Variants in CTNND2 observed in about 807,000 individuals in gnomAD.
The protein encoded by CTNND2 is catenin delta-2.
CTNND2 carries 22 observed loss-of-function variants against 144.4 expected under a neutral mutation model. That is an observed-to-expected ratio of 0.15 (90% CI 0.11 to 0.22). The LOEUF is 0.22. Ranked by LOEUF, CTNND2 falls within the 10% of genes least tolerant of loss-of-function variation. CTNND2 has a pLI of 1.00. For missense variants in CTNND2, 1,353 were observed against 1,618.8 expected (o/e 0.84, Z 2.82); for synonymous variants, 751 against 695.6 (o/e 1.08, Z -1.25).
chr5:11,732,730 T>C (rs1324211839), intron 1 of CTNND2, among the ~76,000 whole-genome samples: 2 of 152,106 alleles, frequency 1.3e-5, no homozygotes, highest in Non-Finnish European at 2.9e-5. Flanking sequence ...ACCCCCGTTA[T>C]AGTCTTGTGA....
At chr5:11,397,285 A>T (rs1301785694) in intron 5 of CTNND2, 82 bp from the exon 6 acceptor site, 1 of 1,189,744 alleles carries the variant, frequency 8.4e-7, no homozygotes, top group Non-Finnish European at 1.2e-6. Flanking sequence ...AGAGTAGCCT[A>T]GAATTATCTC....
intron 2 of CTNND2, among the ~76,000 whole-genome samples, chr5:11,708,977 T>C (rs936420483): frequency 2.6e-5 from 4 of 152,166 alleles, no homozygotes; most frequent in African/African-American, 9.7e-5. Context: ...GCACAAATTG[T>C]CACATGCATC....
chr5:11,578,480 G>A (rs972495924), intron 2 of CTNND2, among the ~76,000 whole-genome samples: 2 of 151,912 alleles, frequency 1.3e-5, no homozygotes, highest in African/African-American at 4.8e-5. Context: ...GGTCAGCATG[G>A]TGAAACCCCG....
chr5:11,723,528 CT>C (rs1402613085), intron 2 of CTNND2, among the ~76,000 whole-genome samples: 2 of 152,182 alleles, frequency 1.3e-5, no homozygotes, highest in Non-Finnish European at 2.9e-5. Context: ...AATGAGACCC[CT>C]GCACCATAAA....
At chr5:11,461,624 G>A (rs375731299) in intron 3 of CTNND2, among the ~76,000 whole-genome samples, 528 of 152,282 alleles carry the variant, frequency 3.5e-3, no homozygotes, top group African/African-American at 0.012. Context: ...TCTTGAGCAT[G>A]TTGTAGCTCG....
rs560558388 is a variant in CTNND2 at position 11,636,623 on chromosome 5, G to GA, written c.175-71568dup. ...TACAATTGGCAAGTTAACTCTGACT[G>GA]AAAAAGTTTTTTTCAGGTATTGCTG... On this transcript the variant is annotated intron_variant, in intron 2 of 21. Coordinates refer to ENST00000304623, the MANE Select transcript of CTNND2 (RefSeq NM_001332.4). 1.3e-3 allele frequency among the ~76,000 whole-genome samples: 198 copies of GA among 152,292 alleles called. 1 individual carries two copies. The highest frequency in any genetic ancestry group is 1.9e-3 in the Non-Finnish European group (132 of 68,026).
intron 3 of CTNND2, among the ~76,000 whole-genome samples, chr5:11,503,006 A>C (rs1770685008): frequency 6.6e-6 from 1 of 152,202 alleles, no homozygotes; most frequent in Non-Finnish European, 1.5e-5. Flanking sequence ...ATACAAATTA[A>C]ATTGATGTGT....
chr5:11,508,623 T>G (rs1024999389), intron 3 of CTNND2, among the ~76,000 whole-genome samples: 1 of 152,074 alleles, frequency 6.6e-6, no homozygotes, highest in Non-Finnish European at 1.5e-5. Context: ...ATAGAAAATA[T>G]TCCCAGGGCC....
chr5:11,456,267 A>G (rs1056723144), intron 3 of CTNND2, among the ~76,000 whole-genome samples: 1 of 150,654 alleles, frequency 6.6e-6, no homozygotes, highest in Admixed American at 6.6e-5. Flanking sequence ...CAAGGAGACA[A>G]TGTTGGTTTT....
At chr5:11,495,326 A>G (rs771436575) in intron 3 of CTNND2, among the ~76,000 whole-genome samples, 9 of 152,226 alleles carry the variant, frequency 5.9e-5, no homozygotes, top group Non-Finnish European at 1.3e-4. Context: ...CCTCATCTTG[A>G]GGAATATTTA....
chr5:11,470,980 A>ATATATATATATATATT (rs1219093645), intron 3 of CTNND2, among the ~76,000 whole-genome samples: 44 of 91,518 alleles, frequency 4.8e-4, no homozygotes, highest in South Asian at 1.1e-3. Flanking sequence ...ATATATATAT[A>ATATATATATATATATT]TTTTTTTTTT....
Position 11,903,494 on chromosome 5 carries a change from G to A in CTNND2, c.37+323C>T. 2.9e-6 allele frequency: 2 copies of A among 694,720 alleles called. No individual in the cohort carries two copies. The highest frequency in any genetic ancestry group is 3.9e-6 in the Non-Finnish European group (2 of 507,476). The allele number at this position is 694,720 out of a possible 1,614,324, so 43.0% of individuals were successfully genotyped here. On this transcript the variant is annotated intron_variant, in intron 1 of 21. Transcript: ENST00000304623. The surrounding 1 kb of genome is among the most constrained non-coding windows in gnomAD (Gnocchi z 5.4). ...AATGCACCGAGTATGTTCTCAGGGTGGCGGGGAGCAGCATTGTCGGTGTTG... is the reference window on the plus strand; with the variant it reads ...AATGCACCGAGTATGTTCTCAGGGTAGCGGGGAGCAGCATTGTCGGTGTTG...
Position 11,123,408 on chromosome 5 carries a change from G to T in CTNND2, c.2160-5841C>A, listed in dbSNP as rs568151916. Reference sequence around the variant, plus strand: ...GAATATTTTTGGTTGTCACCGCTGGGTGAGTGTTGGGGACATTACAGGCAT... The same window carrying T: ...GAATATTTTTGGTTGTCACCGCTGGTTGAGTGTTGGGGACATTACAGGCAT... On this transcript the variant is annotated intron_variant, in intron 12 of 21. Coordinates refer to ENST00000304623, the MANE Select transcript of CTNND2 (RefSeq NM_001332.4). 6.6e-5 allele frequency among the ~76,000 whole-genome samples: 10 copies of T among 152,308 alleles called. No homozygotes were observed. The East Asian group carries it at 1.4e-3, about 21-fold the overall frequency.
intron 6 of CTNND2, among the ~76,000 whole-genome samples, chr5:11,386,550 T>C (rs1368346672): frequency 1.3e-5 from 2 of 152,188 alleles, no homozygotes; most frequent in African/African-American, 2.4e-5. Flanking sequence ...AATTCTCTAT[T>C]AGGAGCAGCC....
At chr5:11,894,091 A>T (rs893008375) in intron 1 of CTNND2, among the ~76,000 whole-genome samples, 2 of 151,950 alleles carry the variant, frequency 1.3e-5, no homozygotes, top group African/African-American at 4.8e-5. Context: ...ATTCTGTGCA[A>T]TTTGTTCAAA....
intron 3 of CTNND2, among the ~76,000 whole-genome samples, chr5:11,524,740 A>C (rs1463042836): frequency 6.6e-6 from 1 of 152,214 alleles, no homozygotes; most frequent in Non-Finnish European, 1.5e-5. Context: ...AAATTAATGC[A>C]GTTCCAACGT....
rs905609185 is a variant in CTNND2, at chr5:11,384,545, G to A, written c.1177+120C>T. ...AAAGCCCTGGCGTTCTCTGTCTCCT[G>A]CAACTACTACAACCTGGCAGACAGC... On this transcript the variant is annotated intron_variant, in intron 7 of 21. Coordinates refer to ENST00000304623, the MANE Select transcript of CTNND2 (RefSeq NM_001332.4). The surrounding 1 kb of genome is among the most constrained non-coding windows in gnomAD (Gnocchi z 5.2). The A allele has an allele frequency of 5.9e-5, 51 of 869,702 alleles. No homozygotes were observed. The African/African-American group carries it at 7.1e-4, about 12-fold the overall frequency. The allele number at this position is 869,702 out of a possible 1,614,324, so 53.9% of individuals were successfully genotyped here. A position where few individuals can be genotyped will look rare whatever the true frequency, so the allele number is the denominator to read the frequency against.
chr5:10,982,856 G>A (rs1328664589), intron 20 of CTNND2, among the ~76,000 whole-genome samples: 6 of 152,174 alleles, frequency 3.9e-5, no homozygotes, highest in Admixed American at 6.5e-5. Context: ...GCAACGTGGT[G>A]GAACTGGAGG....
At chr5:11,737,783 A>T (rs1347202105) in intron 1 of CTNND2, among the ~76,000 whole-genome samples, 1 of 152,120 alleles carries the variant, frequency 6.6e-6, no homozygotes, top group East Asian at 1.9e-4. Context: ...TGCTTATACG[A>T]AGAGCAAGTG....
Sources: gnomAD v4.1 joint callset for allele counts (sites outside exome capture counted in the v4.1 genomes callset) on GRCh38, gnomAD v4.1.1 for gene constraint, Gnocchi (gnomAD v3.1) non-coding constraint, MANE v1.5 for transcripts, NCBI Gene and HGNC (gene_info 2026-07-23, HGNC 2026-07-21) for gene names.